The following URGCP variants were observed in gnomAD, a reference collection of about 807,000 sequenced individuals.
The protein encoded by URGCP is up-regulator of cell proliferation.
URGCP carries 13 observed loss-of-function variants against 24.6 expected under a neutral mutation model. That is an observed-to-expected ratio of 0.53 (90% CI 0.34 to 0.84). The LOEUF (loss-of-function observed/expected upper bound fraction) is 0.84, where lower values mean the gene tolerates loss of function less well. Ranked by LOEUF, URGCP falls within the 40% of genes least tolerant of loss-of-function variation. The pLI is 0.01. For missense variants in URGCP, 899 were observed against 1,194.3 expected, an observed-to-expected ratio of 0.75 and a Z score of 3.64; for synonymous variants, 444 against 487.2, an observed-to-expected ratio of 0.91 and a Z score of 1.17.
At chr7:43,915,192 A>T (rs145291200) in intron 1 of URGCP, among the ~76,000 whole-genome samples, 1 of 152,220 alleles carries the variant, frequency 6.6e-6, no homozygotes, top group East Asian at 1.9e-4. Context: ...TGTGTGCCTA[A>T]TTTTTCCTAG....
Position 43,877,166 on chromosome 7 carries a change from T to C in URGCP, c.2297A>G (p.Asp766Gly). 6.2e-7 allele frequency: 1 copy of C among 1,614,120 alleles called. No individual in the cohort carries two copies. Among genetic ancestry groups the C allele is most frequent in the Non-Finnish European group, 8.5e-7 (1 of 1,180,016 alleles). Residue 766 changes from aspartate (D) to glycine (G), a missense_variant, in exon 6 of 6, where the codon GAC (aspartate) becomes GGC (glycine). Physicochemically the swap from Asp to Gly is moderately conservative, Grantham distance 94 (BLOSUM62 -1). Transcript: ENST00000453200. ...LIGGALTSAG[D>G]RFELEASLAT... ...CAAGGAAGCCTCCAGCTCAAATCTG[T>C]CCCCAGCTGACGTCAAGGCCCCACC...
intron 1 of URGCP, among the ~76,000 whole-genome samples, chr7:43,897,740 C>T (rs1040998052): frequency 7.2e-5 from 11 of 152,262 alleles, no homozygotes; most frequent in African/African-American, 2.6e-4. Context: ...ATCACAAACG[C>T]TCCATTATCT....
At chr7:43,888,895 G>C (rs1056576093) in intron 1 of URGCP, 3 of 152,196 alleles carry the variant, frequency 2.0e-5, no homozygotes, top group African/African-American at 7.2e-5. Flanking sequence ...CGGACTCCTT[G>C]GAGATCCTGA....
At chr7:43,925,475 G>A (rs2527786) in intron 1 of URGCP, among the ~76,000 whole-genome samples, 11,494 of 152,082 alleles carry the variant, frequency 0.076, 582 homozygotes, top group African/African-American at 0.14. Flanking sequence ...GAAATGCACT[G>A]ATATTTTATT....
At chr7:43,881,614 A>AC (rs760538195) in intron 5 of URGCP, 45 bp downstream of exon 5, 2 of 1,612,852 alleles carry the variant, frequency 1.2e-6, no homozygotes, top group African/African-American at 2.7e-5. Flanking sequence ...CTAGATGATA[A>AC]CCCCCTTTCA....
At chr7:43,896,014 G>A (rs1365305168) in intron 1 of URGCP, among the ~76,000 whole-genome samples, 2 of 152,150 alleles carry the variant, frequency 1.3e-5, no homozygotes, top group African/African-American at 2.4e-5. Context: ...AAAAAAGAAT[G>A]GAATCATATC....
At position 43,878,736 on chromosome 7, in the gene URGCP, G is replaced by T. The variant is rs752715140; in HGVS notation, c.727C>A (p.Pro243Thr). 2.8e-5 allele frequency: 45 copies of T among 1,614,014 alleles called. No individual in the cohort carries two copies. The highest frequency in any genetic ancestry group is 1.6e-4 in the Middle Eastern group (1 of 6,084). The change falls in exon 6 of 6, where the codon CCC (proline) becomes ACC (threonine). Residue 243 changes from proline to threonine, a missense_variant. Pro to Thr is a conservative substitution (Grantham distance 38). Transcript: ENST00000453200. This position sits in a 1 kb window ranked among gnomAD's most constrained non-coding sequence, Gnocchi z 5.6. ...CGGAAGCTCCCCATGCCCCTTGGGGGCTGGGACCACCATGTCCTCACAATG... is the reference window on the plus strand; with the variant it reads ...CGGAAGCTCCCCATGCCCCTTGGGGTCTGGGACCACCATGTCCTCACAATG... ...RGIVRTWWSQ[P>T]PRGMGSFRED...
chr7:43,919,767 C>G, intron 1 of URGCP: 1 of 1,357,244 alleles, frequency 7.4e-7, no homozygotes, highest in Non-Finnish European at 1.1e-6. Context: ...CACCAGCATC[C>G]AGGTGGCCCT....
At chr7:43,893,493 C>G (rs1013166693) in intron 1 of URGCP, among the ~76,000 whole-genome samples, 1 of 152,178 alleles carries the variant, frequency 6.6e-6, no homozygotes, top group Non-Finnish European at 1.5e-5. Flanking sequence ...TGTGCTCCAA[C>G]TAAATGGATT....
rs562785854 is a variant in URGCP at position 43,890,276 on chromosome 7, G to A, written c.15-2460C>T. ...GTTGCCCAGGCTGGAGTGCAGTGGC[G>A]TGATCTCGACTCACTGCAAGCTCTG... is the stretch of plus-strand genomic sequence containing the variant. On this transcript the variant is annotated intron_variant, in intron 1 of 5. Coordinates refer to ENST00000453200, the MANE Select transcript of URGCP (RefSeq NM_001077663.3). Among the ~76,000 whole-genome samples the A allele has an allele frequency of 3.9e-4, 57 of 146,338 alleles. 1 individual carries two copies. The highest frequency in any genetic ancestry group is 3.7e-4 in the Non-Finnish European group (25 of 67,146).
intron 1 of URGCP, among the ~76,000 whole-genome samples, chr7:43,893,699 C>T (rs2095874334): frequency 6.6e-6 from 1 of 152,174 alleles, no homozygotes; most frequent in African/African-American, 2.4e-5. Flanking sequence ...GGTGAAACCC[C>T]ATCTCTACTA....
At position 43,921,248 on chromosome 7, in the gene URGCP, C is replaced by G. The variant is rs367720152; in HGVS notation, c.-116+4884G>C. Among the ~76,000 whole-genome samples the G allele has an allele frequency of 4.6e-5, 7 of 152,116 alleles. No homozygotes were observed. In the South Asian group the frequency reaches 6.2e-4, roughly 14 times the overall value. On this transcript the variant is annotated intron_variant, in intron 1 of 5. Coordinates refer to the URGCP transcript ENST00000426198. ...GGCTGAGGCAGGAGAATGGCATGAA[C>G]CCAGGAGGCAGAGCTTGCAGTGAGC...
intron 1 of URGCP, among the ~76,000 whole-genome samples, chr7:43,903,750 GGGAC>G (rs528235716): frequency 6.8e-4 from 103 of 152,254 alleles, no homozygotes; most frequent in African/African-American, 2.4e-3. Context: ...AGAGAACAAA[GGGAC>G]CCCCAGAAGC....
chr7:43,908,743 G>A (rs1286484346), upstream of URGCP, among the ~76,000 whole-genome samples: 1 of 152,146 alleles, frequency 6.6e-6, no homozygotes, highest in African/African-American at 2.4e-5. Context: ...CCTCCTGTAA[G>A]TTGTTTTGCC....
chr7:43,902,123 G>A (rs1018969535), intron 1 of URGCP, among the ~76,000 whole-genome samples: 4 of 150,320 alleles, frequency 2.7e-5, no homozygotes, highest in Non-Finnish European at 5.9e-5. Context: ...GGGAGGAGGA[G>A]AGGGAGGAGG....
intron 1 of URGCP, among the ~76,000 whole-genome samples, chr7:43,898,463 C>T (rs1232658444): frequency 6.6e-6 from 1 of 152,166 alleles, no homozygotes; most frequent in Non-Finnish European, 1.5e-5. Context: ...ACTTGAAGAA[C>T]TGAAAAGGGC....
chr7:43,882,461 C>T (rs2095855391), intron 3 of URGCP, among the ~76,000 whole-genome samples: 1 of 151,952 alleles, frequency 6.6e-6, no homozygotes, highest in South Asian at 2.1e-4. Context: ...AACAAACGAA[C>T]AAACAAAAAT....
chr7:43,876,490 G>A lies in URGCP; in HGVS notation c.*177C>T. 1.5e-6 allele frequency: 1 copy of A among 670,880 alleles called. No individual in the cohort carries two copies. The highest frequency in any genetic ancestry group is 2.9e-5 in the Admixed American group (1 of 34,672). 41.6% of individuals were successfully genotyped at this position (670,880 alleles called of 1,614,324 possible). A position where few individuals can be genotyped will look rare whatever the true frequency, so the allele number is the denominator to read the frequency against. ...TAACATCTCTGAGCTGGTCTGTGAG[G>A]TCACTTCCTCTTTTAACACTGTTGA... On this transcript the variant is annotated 3_prime_UTR_variant, in exon 6 of 6. Transcript: ENST00000453200.
chr7:43,906,852 C>G (rs939903995), upstream of URGCP: 4 of 244,506 alleles, frequency 1.6e-5, no homozygotes, highest in Non-Finnish European at 3.1e-5. Flanking sequence ...CCGGGCGGTG[C>G]CTGCGGTGCC....
Sources: gnomAD v4.1 joint callset for allele counts (sites outside exome capture counted in the v4.1 genomes callset) on GRCh38, gnomAD v4.1.1 for gene constraint, Gnocchi (gnomAD v3.1) non-coding constraint, MANE v1.5 for transcripts, NCBI Gene and HGNC (gene_info 2026-07-23, HGNC 2026-07-21) for gene names.